MYCBP2: variants seen among roughly 807,000 people sequenced by gnomAD.
The protein encoded by MYCBP2 is MYC binding protein 2, also known as E3 ubiquitin-protein ligase MYCBP2.
A neutral mutation model predicts 525.3 loss-of-function variants in MYCBP2; 120 were observed. That is an observed-to-expected ratio of 0.23 (90% CI 0.20 to 0.27). MYCBP2 has a LOEUF of 0.27. Among genes scored for constraint, MYCBP2 ranks in the 10% least tolerant of loss-of-function variants. The pLI is 1.00. For missense variants in MYCBP2, 4,149 were observed against 5,657.1 expected (o/e 0.73, Z 8.55); for synonymous variants, 1,894 against 1,955.8 (o/e 0.97, Z 0.83).
At chr13:77,056,293 T>G (rs927577641) in intron 79 of MYCBP2, among the ~76,000 whole-genome samples, 1 of 152,184 alleles carries the variant, frequency 6.6e-6, no homozygotes, top group Non-Finnish European at 1.5e-5. Flanking sequence ...ACAATCTTTT[T>G]GATTATTCCT....
chr13:77,217,787 A>T (rs186263220), intron 21 of MYCBP2, 53 bp downstream of exon 21: 195 of 1,141,258 alleles, frequency 1.7e-4, no homozygotes, highest in Non-Finnish European at 2.4e-4. Context: ...ATATAGACAA[A>T]TTATAAGGCA....
chr13:77,116,129 G>A (rs979226486), intron 55 of MYCBP2, among the ~76,000 whole-genome samples: 3 of 151,870 alleles, frequency 2.0e-5, no homozygotes, highest in Admixed American at 6.6e-5. Context: ...ATAAGAGACA[G>A]TATCTCAAAT....
rs757255008 is a variant in MYCBP2 at position 77,076,739 on chromosome 13, A to G, written c.11823+12T>C. 2 of 1,460,540 alleles carry G rather than the reference A, an allele frequency of 1.4e-6. No individual in the cohort carries two copies. Among genetic ancestry groups the G allele is most frequent in the Admixed American group, 1.9e-5 (1 of 53,298 alleles). 90.5% of individuals were successfully genotyped at this position (1,460,540 alleles called of 1,614,324 possible). On this transcript the variant is annotated intron_variant, in intron 68 of 82. Coordinates refer to ENST00000544440, the MANE Select transcript of MYCBP2 (RefSeq NM_015057.5). ...AAAGGGAAATAAATATCTTTAGAAT[A>G]CAAATAAATACATTGTATACTTTTT...
intron 5 of MYCBP2, among the ~76,000 whole-genome samples, chr13:77,272,917 T>A (rs1315939164): frequency 6.6e-6 from 1 of 152,186 alleles, no homozygotes; most frequent in Non-Finnish European, 1.5e-5. Flanking sequence ...AATAATTAAG[T>A]CAAGTTTGCC....
At chr13:77,314,040 C>CATTT (rs1410937880) in intron 1 of MYCBP2, among the ~76,000 whole-genome samples, 2 of 152,050 alleles carry the variant, frequency 1.3e-5, no homozygotes, top group Non-Finnish European at 2.9e-5. Flanking sequence ...GAGGAACTCT[C>CATTT]ATTTATTGCT....
At chr13:77,286,497 T>TA (rs1007942512) in intron 3 of MYCBP2, among the ~76,000 whole-genome samples, 25 of 151,398 alleles carry the variant, frequency 1.7e-4, no homozygotes, top group African/African-American at 5.8e-4. Flanking sequence ...CTCACGCCTG[T>TA]AATCCCAGCA....
chr13:77,297,978 T>C (rs983263510), intron 1 of MYCBP2, among the ~76,000 whole-genome samples: 2 of 152,164 alleles, frequency 1.3e-5, no homozygotes, highest in African/African-American at 4.8e-5. Flanking sequence ...TAACTCAACT[T>C]TTAAAGACAC....
chr13:77,147,668 T>A (rs1291951992), intron 47 of MYCBP2, among the ~76,000 whole-genome samples: 2 of 152,128 alleles, frequency 1.3e-5, no homozygotes, highest in African/African-American at 4.8e-5. Context: ...GCTGAGTCTT[T>A]AGCCATACAA....
intron 46 of MYCBP2, among the ~76,000 whole-genome samples, chr13:77,154,352 AGAG>A (rs1422498843): frequency 6.6e-6 from 1 of 151,822 alleles, no homozygotes; most frequent in Non-Finnish European, 1.5e-5. Context: ...AGGAGAAAGA[AGAG>A]GAAGAAAAGA....
chr13:77,305,603 T>C (rs2079314730), intron 1 of MYCBP2, among the ~76,000 whole-genome samples: 1 of 152,122 alleles, frequency 6.6e-6, no homozygotes, highest in Non-Finnish European at 1.5e-5. Context: ...TTGTATGACT[T>C]TGTGAATATA....
intron 55 of MYCBP2, among the ~76,000 whole-genome samples, chr13:77,104,405 A>G (rs2047548949): frequency 6.6e-6 from 1 of 152,132 alleles, no homozygotes; most frequent in South Asian, 2.1e-4. Flanking sequence ...CTATTCTCAC[A>G]GAGTTTATAT....
At chr13:77,177,148 T>TA (rs58976857) in intron 35 of MYCBP2, among the ~76,000 whole-genome samples, 266 of 126,734 alleles carry the variant, frequency 2.1e-3, no homozygotes, top group Non-Finnish European at 2.5e-3. Flanking sequence ...AATGACAATA[T>TA]AAAAAAAAAA....
At chr13:77,180,389 C>G in intron 33 of MYCBP2, 71 bp from the exon 34 acceptor site, 3 of 1,309,582 alleles carry the variant, frequency 2.3e-6, no homozygotes, top group Non-Finnish European at 3.2e-6. Flanking sequence ...ATTTGAAAAC[C>G]TTGTCTTTCT....
intron 55 of MYCBP2, among the ~76,000 whole-genome samples, chr13:77,112,123 T>C (rs1458924898): frequency 6.6e-6 from 1 of 151,832 alleles, no homozygotes; most frequent in African/African-American, 2.4e-5. Flanking sequence ...CAATGCAGTC[T>C]CTCCATGGTA....
At chr13:77,057,716 C>CAT (rs2154067182) in intron 78 of MYCBP2, among the ~76,000 whole-genome samples, 1 of 151,896 alleles carries the variant, frequency 6.6e-6, no homozygotes, top group Admixed American at 6.6e-5. Flanking sequence ...TAAAGCTGAG[C>CAT]ATGCAACATA....
rs1413123145 is a variant in MYCBP2, at chr13:77,050,886, AG to A, written c.13921+110del. The A allele has an allele frequency of 8.9e-5, 82 of 917,192 alleles. No homozygotes were observed. In the Admixed American group the frequency reaches 1.2e-3, roughly 14 times the overall value. The allele number at this position is 917,192 out of a possible 1,614,324, so 56.8% of individuals were successfully genotyped here. ...ATCAAGGAATTCCTCCTGCTTCTTTAGGCTAGTTTGAATTGAGTTTCTGTCA... is the reference window on the plus strand; with the variant it reads ...ATCAAGGAATTCCTCCTGCTTCTTTAGCTAGTTTGAATTGAGTTTCTGTCA... On this transcript the variant is annotated intron_variant, in intron 82 of 82. Coordinates refer to ENST00000544440, the MANE Select transcript of MYCBP2 (RefSeq NM_015057.5).
At chr13:77,114,325 T>C (rs1335571824) in intron 55 of MYCBP2, among the ~76,000 whole-genome samples, 1 of 152,110 alleles carries the variant, frequency 6.6e-6, no homozygotes. Context: ...AGGTATTAAG[T>C]ATTTGCATCA....
intron 1 of MYCBP2, among the ~76,000 whole-genome samples, chr13:77,320,953 G>A (rs1184239122): frequency 2.6e-5 from 4 of 152,114 alleles, no homozygotes; most frequent in South Asian, 2.1e-4. Context: ...GATTTGCAGC[G>A]GTCAGTAACC....
intron 8 of MYCBP2, among the ~76,000 whole-genome samples, chr13:77,266,089 A>G (rs1292860181): frequency 6.6e-6 from 1 of 152,216 alleles, no homozygotes; most frequent in East Asian, 1.9e-4. Flanking sequence ...TCAAGGCAGA[A>G]TAAATAAAAC....
Sources: gnomAD v4.1 joint callset for allele counts (sites outside exome capture counted in the v4.1 genomes callset) on GRCh38, gnomAD v4.1.1 for gene constraint, MANE v1.5 for transcripts, NCBI Gene and HGNC (gene_info 2026-07-23, HGNC 2026-07-21) for gene names.